The following SHISAL2B variants were observed in gnomAD, a reference collection of about 807,000 sequenced individuals.
The protein encoded by SHISAL2B is shisa like 2B, also known as protein shisa-like-2B.
Under a neutral mutation model 16.5 loss-of-function variants are expected in SHISAL2B, and 12 were observed. That is an observed-to-expected ratio of 0.73 (90% confidence interval 0.47 to 1.18). The LOEUF is 1.18. Ranked by LOEUF, SHISAL2B falls within the 50% of genes most tolerant of loss-of-function variation. SHISAL2B has a pLI of 0.00. For synonymous variants in SHISAL2B, 72 were observed against 75.0 expected, an observed-to-expected ratio of 0.96 and a Z score of 0.21; for missense variants, 183 against 193.6, an observed-to-expected ratio of 0.95 and a Z score of 0.33.
chr5:64,712,876 G>A (rs560714998), intron 2 of SHISAL2B, among the ~76,000 whole-genome samples: 9,593 of 148,876 alleles, frequency 0.064, 968 homozygotes, highest in African/African-American at 0.22. Context: ...GCCTTTTTTT[G>A]TTTTCCATTT....
Position 64,695,501 on chromosome 5 carries a change from C to T in SHISAL2B, c.192-6C>T, listed in dbSNP as rs1277865634. 17 of 1,519,436 alleles carry T rather than the reference C, an allele frequency of 1.1e-5. No individual in the cohort carries two copies. In the Admixed American group the frequency reaches 2.1e-4, roughly 19 times the overall value. The allele number at this position is 1,519,436 out of a possible 1,614,324, so 94.1% of individuals were successfully genotyped here. A position where few individuals can be genotyped will look rare whatever the true frequency, so the allele number is the denominator to read the frequency against. ...GTGACACATATTTTTTTTCTGTTTT[C>T]CTCAGCATTGGTGCCTTGATTGGAC... On this transcript the variant is annotated splice_polypyrimidine_tract_variant and splice_region_variant and intron_variant, in intron 1 of 2. Coordinates refer to ENST00000389074, the MANE Select transcript of SHISAL2B (RefSeq NM_001164442.2).
At chr5:64,693,597 G>T (rs1329682710) in intron 1 of SHISAL2B, among the ~76,000 whole-genome samples, 1 of 152,114 alleles carries the variant, frequency 6.6e-6, no homozygotes, top group Admixed American at 6.5e-5. Flanking sequence ...CCTCTTATCT[G>T]CTCTGTGCAC....
intron 2 of SHISAL2B, among the ~76,000 whole-genome samples, chr5:64,714,648 G>A (rs1323964222): frequency 1.3e-5 from 2 of 152,146 alleles, no homozygotes; most frequent in South Asian, 2.1e-4. Context: ...CCTGGCTGCC[G>A]CCTTGCAGTT....
Position 64,693,347 on chromosome 5 carries a change from CTGTT to C in SHISAL2B, c.192-2156_192-2153del, listed in dbSNP as rs551006768. On this transcript the variant is annotated intron_variant, in intron 1 of 2. Coordinates refer to ENST00000389074, the MANE Select transcript of SHISAL2B (RefSeq NM_001164442.2). The stretch of plus-strand genomic sequence containing the variant: ...TATAAAGTGAACGGTGACATTGAAA[CTGTT>C]TGTCAGTATTATGAAGAACATTCTT... Among the ~76,000 whole-genome samples the C allele has an allele frequency of 3.0e-4, 45 of 152,258 alleles. 1 individual carries two copies. In the East Asian group the frequency reaches 7.5e-3, roughly 26 times the overall value.
intron 2 of SHISAL2B, among the ~76,000 whole-genome samples, chr5:64,701,222 G>A (rs189027050): frequency 3.0e-4 from 46 of 152,254 alleles, no homozygotes; most frequent in Non-Finnish European, 5.4e-4. Context: ...TCCATGGTTG[G>A]TTGAATCTAC....
In SHISAL2B at chr5:64,694,099, A is replaced by G. The variant is rs778008065; in HGVS notation, c.192-1408A>G. On this transcript the variant is annotated intron_variant, in intron 1 of 2. Transcript: ENST00000389074. The stretch of plus-strand genomic sequence containing the variant: ...CCTTTTGGTACAGGTCAAACTTGTC[A>G]GTGTCCTAATCCCAGAGAAAGAGCA... The G allele has an allele frequency of 2.2e-5, 10 of 455,804 alleles. No homozygotes were observed. The East Asian group carries it at 5.6e-4, about 25-fold the overall frequency. 28.2% of individuals were successfully genotyped at this position (455,804 alleles called of 1,614,324 possible).
At chr5:64,695,200 G>A (rs1741715527) in intron 1 of SHISAL2B, among the ~76,000 whole-genome samples, 1 of 151,882 alleles carries the variant, frequency 6.6e-6, no homozygotes, top group Non-Finnish European at 1.5e-5. Context: ...TGGAGGCGGA[G>A]GTTGCAGTGA....
chr5:64,690,933 G>C (rs1741639169), intron 1 of SHISAL2B, 119 bp downstream of exon 1: 2 of 876,540 alleles, frequency 2.3e-6, no homozygotes, highest in Non-Finnish European at 3.2e-6. Flanking sequence ...CCCTAGGTTA[G>C]GTCCCTACGG....
chr5:64,717,265 A>T (rs6878522), intron 2 of SHISAL2B, among the ~76,000 whole-genome samples: 6,512 of 152,278 alleles, frequency 0.043, 395 homozygotes, highest in African/African-American at 0.13. Context: ...TTACGTATTT[A>T]TGTTATTTTC....
chr5:64,702,002 C>A (rs1531309), intron 2 of SHISAL2B, among the ~76,000 whole-genome samples: 6,508 of 152,162 alleles, frequency 0.043, 395 homozygotes, highest in African/African-American at 0.13. Flanking sequence ...TTGTATGTGA[C>A]TAATTTTCAA....
chr5:64,707,245 T>TTTAA lies in SHISAL2B; in HGVS notation c.350-10641_350-10640insATTA, dbSNP rs1457197732. Among the ~76,000 whole-genome samples, 7 of 151,502 alleles carry TTTAA rather than the reference T, an allele frequency of 4.6e-5. No individual in the cohort carries two copies. In the East Asian group the frequency reaches 1.2e-3, roughly 25 times the overall value. On this transcript the variant is annotated intron_variant, in intron 2 of 2. Coordinates refer to ENST00000389074, the MANE Select transcript of SHISAL2B (RefSeq NM_001164442.2). ...ACTCAAGGAATCTCAGATAAGACTT[T>TTTAA]TTATTTATTTATTTATTTATTTTTA...
At chr5:64,692,415 C>A (rs1367369128) in intron 1 of SHISAL2B, among the ~76,000 whole-genome samples, 1 of 152,210 alleles carries the variant, frequency 6.6e-6, no homozygotes, top group Non-Finnish European at 1.5e-5. Flanking sequence ...AGTGCAGCTC[C>A]ATTCCCAGGA....
chr5:64,714,547 T>C (rs1007087184), intron 2 of SHISAL2B, among the ~76,000 whole-genome samples: 4 of 152,108 alleles, frequency 2.6e-5, no homozygotes, highest in Admixed American at 1.3e-4. Flanking sequence ...GCAGGCCTCC[T>C]TGAGCTGTGG....
At chr5:64,714,376 T>C (rs998392548) in intron 2 of SHISAL2B, among the ~76,000 whole-genome samples, 9 of 147,546 alleles carry the variant, frequency 6.1e-5, no homozygotes, top group Admixed American at 4.7e-4. Flanking sequence ...AGGGACCCAC[T>C]TGAGGAGGCA....
chr5:64,707,656 G>A (rs1741892983), intron 2 of SHISAL2B, among the ~76,000 whole-genome samples: 1 of 152,168 alleles, frequency 6.6e-6, no homozygotes, highest in South Asian at 2.1e-4. Context: ...GAGAAATCAG[G>A]CAGAGAGAAA....
In SHISAL2B at chr5:64,714,709, C is replaced by T. The variant is rs1742016699; in HGVS notation, c.350-3180C>T. Among the ~76,000 whole-genome samples the T allele has an allele frequency of 2.6e-5, 4 of 152,312 alleles. No individual in the cohort carries two copies. In the South Asian group the frequency reaches 8.3e-4, roughly 32 times the overall value. ...TCAGCGAGATTCCGTGGGCGTAGGA[C>T]CCTCTGAGCCAGGTGTGGGATATAG... On this transcript the variant is annotated intron_variant, in intron 2 of 2. Coordinates refer to ENST00000389074, the MANE Select transcript of SHISAL2B (RefSeq NM_001164442.2).
intron 2 of SHISAL2B, among the ~76,000 whole-genome samples, chr5:64,699,916 G>T (rs963809936): frequency 1.3e-5 from 2 of 152,170 alleles, no homozygotes; most frequent in Non-Finnish European, 2.9e-5. Context: ...GGTAGTGATT[G>T]TAGACTCTAA....
chr5:64,708,850 TTAAGTAA>T (rs1274659940), intron 2 of SHISAL2B, among the ~76,000 whole-genome samples: 1 of 152,128 alleles, frequency 6.6e-6, no homozygotes, highest in East Asian at 1.9e-4. Context: ...AAGTAGAATA[TTAAGTAA>T]CTTATTTTAC....
chr5:64,690,941 C>A, intron 1 of SHISAL2B, 127 bp downstream of exon 1: 1 of 747,300 alleles, frequency 1.3e-6, no homozygotes, highest in Non-Finnish European at 2.0e-6. Context: ...TAGGTCCCTA[C>A]GGAAGGACGC....
Sources: allele counts gnomAD v4.1 joint callset (sites outside exome capture counted in the v4.1 genomes callset), GRCh38; gene constraint gnomAD v4.1.1; transcripts MANE v1.5; gene names NCBI Gene and HGNC (gene_info 2026-07-23, HGNC 2026-07-21).